Variants in TMPRSS15 observed in about 807,000 individuals in gnomAD.
The protein encoded by TMPRSS15 is enteropeptidase.
A neutral mutation model predicts 125.3 loss-of-function variants in TMPRSS15; 128 were observed. The observed-to-expected ratio is 1.02, with a 90% CI of 0.89 to 1.18. The LOEUF is 1.18. Among genes scored for constraint, TMPRSS15 ranks in the 50% most tolerant of loss-of-function variants. The pLI is 0.00. For synonymous variants in TMPRSS15, 446 were observed against 423.2 expected (o/e 1.05, Z -0.66); for missense variants, 1,283 against 1,212.7 (o/e 1.06, Z -0.86).
upstream of TMPRSS15, among the ~76,000 whole-genome samples, chr21:18,405,180 A>T (rs1194939833): frequency 1.3e-5 from 2 of 152,202 alleles, no homozygotes; most frequent in African/African-American, 4.8e-5. Flanking sequence ...GGAAAGCAGA[A>T]GACAGTGAGT....
intron 21 of TMPRSS15, among the ~76,000 whole-genome samples, chr21:18,282,977 C>G (rs2146876006): frequency 6.6e-6 from 1 of 152,264 alleles, no homozygotes; most frequent in Middle Eastern, 3.4e-3. Context: ...GAAGTTATCT[C>G]TGCTCCTAGT....
chr21:18,396,808 GTCTATCTATCTA>G (rs3082172), intron 3 of TMPRSS15, among the ~76,000 whole-genome samples: 8 of 107,882 alleles, frequency 7.4e-5, no homozygotes, highest in Admixed American at 3.3e-4. Flanking sequence ...CTGTCTGTCT[GTCTATCTATCTA>G]TCTATCTATC....
At chr21:18,411,523 C>A (rs2076165974) in intron 1 of TMPRSS15, among the ~76,000 whole-genome samples, 1 of 152,104 alleles carries the variant, frequency 6.6e-6, no homozygotes, top group African/African-American at 2.4e-5. Context: ...CAGATATTCA[C>A]CTAAAAATCA....
At position 18,429,920 on chromosome 21, in the gene TMPRSS15, A is replaced by G. The variant is rs1321835049; in HGVS notation, c.11-31591T>C. 2.0e-5 allele frequency among the ~76,000 whole-genome samples: 3 copies of G among 152,164 alleles called. No individual in the cohort carries two copies. The East Asian group carries it at 5.8e-4, about 29-fold the overall frequency. On this transcript the variant is annotated intron_variant, in intron 1 of 7. Coordinates refer to the TMPRSS15 transcript ENST00000422787. The stretch of plus-strand genomic sequence containing the variant: ...CATCCATTAAGAATTTTAAAGAGAG[A>G]TATGTATTTTTGCTCAAATAATTTC...
At chr21:18,392,082 C>G (rs1269511000) in intron 3 of TMPRSS15, among the ~76,000 whole-genome samples, 1 of 152,196 alleles carries the variant, frequency 6.6e-6, no homozygotes, top group Admixed American at 6.5e-5. Context: ...TCCTCCTAGG[C>G]CTCCAGGCCT....
chr21:18,400,547 G>A (rs1342180238), intron 1 of TMPRSS15, among the ~76,000 whole-genome samples: 1 of 152,030 alleles, frequency 6.6e-6, no homozygotes, highest in African/African-American at 2.4e-5. Flanking sequence ...AATGAAACTG[G>A]ATCCCTACCT....
In TMPRSS15 at chr21:18,353,827, A is replaced by G. The variant is rs1233258902; in HGVS notation, c.917T>C (p.Ile306Thr). 2 of 1,611,540 alleles carry G rather than the reference A, an allele frequency of 1.2e-6. No homozygotes were observed. Among genetic ancestry groups the G allele is most frequent in the Admixed American group, 1.7e-5 (1 of 59,864 alleles). Reference protein sequence around the residue: ...IWETNPGTIRIFSNQVTATFL... With the variant: ...IWETNPGTIRTFSNQVTATFL... ...GGTGGCAGTAACTTGGTTGGAAAAAATTCTTATTGTGCCAGGATTAGTTTC... is the reference window on the plus strand; with the variant it reads ...GGTGGCAGTAACTTGGTTGGAAAAAGTTCTTATTGTGCCAGGATTAGTTTC... Residue 306 changes from isoleucine (I) to threonine (T), a missense_variant, in exon 9 of 25, where the codon ATT becomes ACT. Transcript: ENST00000284885.
intron 16 of TMPRSS15, among the ~76,000 whole-genome samples, chr21:18,320,865 A>G (rs2075226083): frequency 6.6e-6 from 1 of 152,180 alleles, no homozygotes; most frequent in Non-Finnish European, 1.5e-5. Context: ...TTGAAATCTT[A>G]TTTCTGATAG....
intron 16 of TMPRSS15, among the ~76,000 whole-genome samples, chr21:18,317,799 CAT>C (rs2075184406): frequency 1.8e-5 from 2 of 113,448 alleles, no homozygotes; most frequent in Non-Finnish European, 3.9e-5. Flanking sequence ...CATCCCATCC[CAT>C]CCCATCCCAT....
intron 16 of TMPRSS15, among the ~76,000 whole-genome samples, chr21:18,324,742 T>C (rs1481701821): frequency 6.6e-6 from 1 of 152,178 alleles, no homozygotes; most frequent in Non-Finnish European, 1.5e-5. Flanking sequence ...TTAGCTTTTC[T>C]CCAACATTAC....
At chr21:18,395,011 T>A (rs1352263037) in intron 3 of TMPRSS15, among the ~76,000 whole-genome samples, 1 of 152,188 alleles carries the variant, frequency 6.6e-6, no homozygotes, top group African/African-American at 2.4e-5. Flanking sequence ...CTAGTCTGAG[T>A]ATAGATTATC....
intron 18 of TMPRSS15, among the ~76,000 whole-genome samples, chr21:18,300,255 TTCTC>T (rs899740194): frequency 2.6e-5 from 4 of 151,868 alleles, no homozygotes; most frequent in South Asian, 2.1e-4. Context: ...TTTTTCTTCT[TTCTC>T]TCTTTCTTTC....
chr21:18,328,229 C>T (rs1220142259), intron 15 of TMPRSS15, among the ~76,000 whole-genome samples: 1 of 152,094 alleles, frequency 6.6e-6, no homozygotes, highest in Non-Finnish European at 1.5e-5. Flanking sequence ...AGAGTACACT[C>T]TCCCTAGCCT....
In TMPRSS15 at chr21:18,442,081, C is replaced by T. The variant is rs551380987; in HGVS notation, c.10+43718G>A. On this transcript the variant is annotated intron_variant, in intron 1 of 7. Transcript: ENST00000422787. Reference sequence around the variant, plus strand: ...ACTCATTCCTCCTCTTCTTTCATTGCTACTTTACTATAACTGTCCTTTGTG... The same window carrying T: ...ACTCATTCCTCCTCTTCTTTCATTGTTACTTTACTATAACTGTCCTTTGTG... 5.3e-5 allele frequency among the ~76,000 whole-genome samples: 8 copies of T among 152,304 alleles called. No individual in the cohort carries two copies. The South Asian group carries it at 1.7e-3, about 32-fold the overall frequency.
At chr21:18,434,995 C>T (rs1373083442) in intron 1 of TMPRSS15, among the ~76,000 whole-genome samples, 1 of 151,944 alleles carries the variant, frequency 6.6e-6, no homozygotes, top group African/African-American at 2.4e-5. Context: ...GGAAAGAAGT[C>T]CTTGGAGGAA....
chr21:18,422,824 G>A (rs965079119), intron 1 of TMPRSS15, among the ~76,000 whole-genome samples: 3 of 152,158 alleles, frequency 2.0e-5, no homozygotes, highest in African/African-American at 4.8e-5. Flanking sequence ...ATAGCTCTGG[G>A]CTAGGTTGGG....
At chr21:18,405,968 T>G (rs1431492108), upstream of TMPRSS15, among the ~76,000 whole-genome samples, 1 of 152,328 alleles carries the variant, frequency 6.6e-6, no homozygotes, top group African/African-American at 2.4e-5. Context: ...GCCACAGACT[T>G]GTGTTTTTTT....
At chr21:18,346,445 A>T (rs1189340037) in intron 10 of TMPRSS15, among the ~76,000 whole-genome samples, 1 of 152,228 alleles carries the variant, frequency 6.6e-6, no homozygotes, top group Admixed American at 6.5e-5. Context: ...GACTATTTAC[A>T]ATATAACATA....
At chr21:18,381,084 T>C (rs927890805) in intron 4 of TMPRSS15, among the ~76,000 whole-genome samples, 2 of 152,154 alleles carry the variant, frequency 1.3e-5, no homozygotes, top group African/African-American at 4.8e-5. Context: ...ACATGTTTGA[T>C]AGTTTTAAAA....
Sources: allele counts gnomAD v4.1 joint callset (sites outside exome capture counted in the v4.1 genomes callset), GRCh38; gene constraint gnomAD v4.1.1; transcripts MANE v1.5; gene names NCBI Gene and HGNC (gene_info 2026-07-23, HGNC 2026-07-21).